LMO7: variants seen among roughly 807,000 people sequenced by gnomAD.
LMO7 encodes LIM domain 7.
In LMO7, 120 loss-of-function variants were observed where a neutral mutation model predicts 206.5. That is an observed-to-expected ratio of 0.58 (90% confidence interval 0.50 to 0.68). LMO7 has a LOEUF of 0.68. LMO7 is among the 30% of genes least tolerant of loss of function. The pLI is 0.00. For missense variants in LMO7, 1,959 were observed against 1,957.9 expected (o/e 1.00, Z -0.01); for synonymous variants, 706 against 681.5 (o/e 1.04, Z -0.56).
chr13:75,835,220 A>T lies in LMO7; in HGVS notation c.3227-13A>T, dbSNP rs1203527354. 3 of 1,612,280 alleles carry T rather than the reference A, an allele frequency of 1.9e-6. No individual in the cohort carries two copies. Among genetic ancestry groups the T allele is most frequent in the Non-Finnish European group, 2.5e-6 (3 of 1,179,282 alleles). On this transcript the variant is annotated splice_polypyrimidine_tract_variant and intron_variant, in intron 17 of 30. Transcript: ENST00000377534. ...AACCCTCAATCTCACCAGTATGGCT[A>T]CCAAAATTATAGGTTCACCTGAAAC...
intron 4 of LMO7, among the ~76,000 whole-genome samples, chr13:75,763,771 T>C (rs1290949672): frequency 1.3e-5 from 2 of 152,074 alleles, no homozygotes; most frequent in Non-Finnish European, 2.9e-5. Flanking sequence ...AACTTTTTTG[T>C]TAGTGGGCAG....
chr13:75,708,509 G>T (rs374290833), intron 1 of LMO7, among the ~76,000 whole-genome samples: 3 of 152,334 alleles, frequency 2.0e-5, no homozygotes, highest in Middle Eastern at 3.4e-3. Flanking sequence ...GCTTTGCTAT[G>T]ACTAGAGAGA....
rs932905324 is a variant in LMO7 at position 75,804,206 on chromosome 13, A to G, written c.662-83A>G. 161 of 1,418,452 alleles carry G rather than the reference A, an allele frequency of 1.1e-4. 1 individual carries two copies. Among genetic ancestry groups the G allele is most frequent in the Non-Finnish European group, 1.5e-4 (158 of 1,045,648 alleles). The allele number at this position is 1,418,452 out of a possible 1,614,324, so 87.9% of individuals were successfully genotyped here. ...AGTGGCAGCACTGGGTTTCTAAGGGAAAGACAAAGCAGGCGCGCTGTGTGG... is the reference window on the plus strand; with the variant it reads ...AGTGGCAGCACTGGGTTTCTAAGGGGAAGACAAAGCAGGCGCGCTGTGTGG... On this transcript the variant is annotated intron_variant, in intron 7 of 30. Coordinates refer to ENST00000377534, the MANE Select transcript of LMO7 (RefSeq NM_001306080.2).
chr13:75,624,933 G>A (rs9600509), intron 2 of LMO7, among the ~76,000 whole-genome samples: 3,494 of 152,336 alleles, frequency 0.023, 49 homozygotes, highest in Non-Finnish European at 0.034. Flanking sequence ...TAGAGTCTGA[G>A]TTGTAGTAGA....
At chr13:75,798,878 T>C (rs957553619) in intron 6 of LMO7, among the ~76,000 whole-genome samples, 4 of 152,240 alleles carry the variant, frequency 2.6e-5, no homozygotes, top group African/African-American at 9.6e-5. Flanking sequence ...CATCAATAAC[T>C]TTAACATTTA....
intron 26 of LMO7, among the ~76,000 whole-genome samples, chr13:75,848,767 G>T (rs1289875454): frequency 6.6e-6 from 1 of 152,200 alleles, no homozygotes; most frequent in African/African-American, 2.4e-5. Flanking sequence ...CTCCTGGGTG[G>T]ATACCCAGTG....
intron 26 of LMO7, among the ~76,000 whole-genome samples, chr13:75,848,429 G>A (rs2060167742): frequency 1.8e-5 from 1 of 56,136 alleles, no homozygotes; most frequent in African/African-American, 5.9e-5. Flanking sequence ...TATTCCATGC[G>A]ATTATCTATC....
At chr13:75,854,875 G>C (rs527327114) in intron 28 of LMO7, 96 of 158,176 alleles carry the variant, frequency 6.1e-4, no homozygotes, top group African/African-American at 2.2e-3. Context: ...GGTGCTCTGA[G>C]GGGGTAGGAG....
chr13:75,797,923 G>A (rs146402509), intron 6 of LMO7, among the ~76,000 whole-genome samples: 38 of 152,290 alleles, frequency 2.5e-4, no homozygotes, highest in Non-Finnish European at 4.1e-4. Context: ...GAGAGACTAC[G>A]TAACCTCATA....
chr13:75,783,758 C>T (rs181454107), intron 4 of LMO7, among the ~76,000 whole-genome samples: 33 of 152,314 alleles, frequency 2.2e-4, no homozygotes, highest in African/African-American at 7.7e-4. Context: ...TATATGTTTA[C>T]TGAGTATCTA....
chr13:75,629,676 A>G (rs1252818281), intron 2 of LMO7, among the ~76,000 whole-genome samples: 1 of 152,150 alleles, frequency 6.6e-6, no homozygotes, highest in Non-Finnish European at 1.5e-5. Context: ...GGAGTCCTTT[A>G]AAGAGGGGTT....
At chr13:75,672,921 G>A (rs1594193999) in intron 1 of LMO7, among the ~76,000 whole-genome samples, 1 of 37,242 alleles carries the variant, frequency 2.7e-5, no homozygotes, top group African/African-American at 7.1e-5. Flanking sequence ...GACTTGATAT[G>A]TGTGTGTGTG....
At chr13:75,809,831 T>TG (rs973553326) in intron 11 of LMO7, among the ~76,000 whole-genome samples, 16 of 127,898 alleles carry the variant, frequency 1.3e-4, no homozygotes, top group African/African-American at 3.3e-4. Flanking sequence ...AAACTACATT[T>TG]TTTTTTTTTT....
chr13:75,841,170 CAG>C lies in LMO7; in HGVS notation c.3654_3655del (p.Asn1219PhefsTer6), dbSNP rs748200511. 27 of 1,611,616 alleles carry C rather than the reference CAG, an allele frequency of 1.7e-5. No homozygotes were observed. Among genetic ancestry groups the C allele is most frequent in the Non-Finnish European group, 2.0e-5 (24 of 1,178,052 alleles). ...GAGTGGCAAAGGGCCAAACAGGAGG[CAG>C]AGAGAGAGAATTCCAAGTACTTGGA... On this transcript the variant is annotated frameshift_variant, in exon 23 of 31. Coordinates refer to ENST00000377534, the MANE Select transcript of LMO7 (RefSeq NM_001306080.2). LOFTEE classifies it high-confidence loss of function.
chr13:75,843,446 G>C (rs542822374), intron 25 of LMO7, among the ~76,000 whole-genome samples: 8 of 152,254 alleles, frequency 5.3e-5, no homozygotes, highest in Admixed American at 4.6e-4. Context: ...ACATTGCAAG[G>C]GGAATGGACA....
intron 24 of LMO7, 65 bp downstream of exon 24, chr13:75,842,048 C>T (rs944518355): frequency 3.0e-5 from 36 of 1,209,332 alleles, no homozygotes; most frequent in Admixed American, 2.0e-4. Context: ...CAAAGGCACC[C>T]GCTTGCTCTT....
chr13:75,703,263 T>A (rs961440073), intron 1 of LMO7, among the ~76,000 whole-genome samples: 12 of 152,178 alleles, frequency 7.9e-5, no homozygotes, highest in African/African-American at 2.9e-4. Flanking sequence ...AATAATTTGA[T>A]TTAAAAGTGA....
At chr13:75,712,921 A>G (rs1413130514) in intron 1 of LMO7, among the ~76,000 whole-genome samples, 3 of 148,504 alleles carry the variant, frequency 2.0e-5, no homozygotes, top group African/African-American at 7.8e-5. Context: ...GTATCATCCA[A>G]TAAAATGATT....
intron 7 of LMO7, among the ~76,000 whole-genome samples, chr13:75,802,475 TTATATC>T (rs1395147231): frequency 1.4e-4 from 21 of 152,202 alleles, no homozygotes; most frequent in Middle Eastern, 3.2e-3. Context: ...ATGACAGAAT[TTATATC>T]TAGTCAAGGA....
Sources: gnomAD v4.1 joint callset for allele counts (sites outside exome capture counted in the v4.1 genomes callset) on GRCh38, gnomAD v4.1.1 for gene constraint, MANE v1.5 for transcripts, NCBI Gene and HGNC (gene_info 2026-07-23, HGNC 2026-07-21) for gene names.